The following TM9SF4 variants were observed in gnomAD, a reference collection of about 807,000 sequenced individuals.
TM9SF4 encodes the protein transmembrane 9 superfamily member 4.
A neutral mutation model predicts 90.4 loss-of-function variants in TM9SF4; 26 were observed. That is an observed-to-expected ratio of 0.29 (90% confidence interval 0.21 to 0.40). The LOEUF (loss-of-function observed/expected upper bound fraction) is 0.40, where lower values mean the gene tolerates loss of function less well. Ranked by LOEUF, TM9SF4 falls within the 10% of genes least tolerant of loss-of-function variation. TM9SF4 has a pLI of 1.00. For synonymous variants in TM9SF4, 293 were observed against 315.4 expected (o/e 0.93, Z 0.75); for missense variants, 549 against 834.8 (o/e 0.66, Z 4.22).
chr20:32,149,398 C>T (rs2046809155), intron 9 of TM9SF4, among the ~76,000 whole-genome samples: 1 of 152,194 alleles, frequency 6.6e-6, no homozygotes, highest in African/African-American at 2.4e-5. Context: ...TATTTTCCCA[C>T]AAACGAGGTT....
At chr20:32,163,291 A>G (rs1306719516) in intron 17 of TM9SF4, among the ~76,000 whole-genome samples, 1 of 67,312 alleles carries the variant, frequency 1.5e-5, no homozygotes, top group Non-Finnish European at 3.1e-5. Context: ...ATATATATAT[A>G]TATATGTATG....
intron 15 of TM9SF4, 104 bp downstream of exon 15, chr20:32,158,618 C>T (rs2046966829): frequency 2.7e-6 from 3 of 1,126,020 alleles, no homozygotes; most frequent in Non-Finnish European, 4.0e-6. Context: ...TCAGATGGGC[C>T]ACTTCACCTC....
intron 12 of TM9SF4, among the ~76,000 whole-genome samples, chr20:32,153,115 T>C (rs1325693586): frequency 6.6e-6 from 1 of 152,224 alleles, no homozygotes; most frequent in East Asian, 1.9e-4. Context: ...GATCCCAGTC[T>C]GGCTCTGCAT....
rs202098769 is a variant in TM9SF4, at chr20:32,150,883, T to C, written c.1245+8T>C. Reference sequence around the variant, plus strand: ...AAGAAAGGAGCCTTCTGTGTGAGTGTCCTAAACCTTCTCTTGTTTGGTGGG... The same window carrying C: ...AAGAAAGGAGCCTTCTGTGTGAGTGCCCTAAACCTTCTCTTGTTTGGTGGG... On this transcript the variant is annotated splice_region_variant and intron_variant, in intron 12 of 17. Transcript: ENST00000398022. The C allele has an allele frequency of 1.8e-5, 29 of 1,614,034 alleles. No homozygotes were observed. In the East Asian group the frequency reaches 6.2e-4, roughly 35 times the overall value.
At chr20:32,126,560 T>C (rs913118392) in intron 1 of TM9SF4, among the ~76,000 whole-genome samples, 91 of 152,226 alleles carry the variant, frequency 6.0e-4, no homozygotes, top group African/African-American at 2.1e-3. Flanking sequence ...CCCCAACATA[T>C]TGTTCTTAGC....
chr20:32,161,251 T>C (rs747945364), intron 16 of TM9SF4, 25 bp from the exon 17 acceptor site: 1 of 1,608,358 alleles, frequency 6.2e-7, no homozygotes, highest in Admixed American at 1.7e-5. Flanking sequence ...AGGACAACAC[T>C]GACCTTCCTC....
intron 1 of TM9SF4, among the ~76,000 whole-genome samples, chr20:32,117,859 G>A (rs2046249781): frequency 6.6e-6 from 1 of 152,030 alleles, no homozygotes; most frequent in African/African-American, 2.4e-5. Context: ...ACGTTGAATG[G>A]GCTGGTTCAC....
At chr20:32,155,063 C>A (rs1257763351) in intron 12 of TM9SF4, 40 bp from the exon 13 acceptor site, 4 of 1,570,904 alleles carry the variant, frequency 2.5e-6, no homozygotes, top group Middle Eastern at 1.7e-4. Context: ...TAGGGGAGGT[C>A]CCTGGATGCT....
At chr20:32,143,238 G>A (rs1182063031) in intron 6 of TM9SF4, 133 bp downstream of exon 6, 1 of 1,148,332 alleles carries the variant, frequency 8.7e-7, no homozygotes. Flanking sequence ...GCCAAGGTAG[G>A]ATCATGGTAT....
At chr20:32,113,936 T>C (rs1388861979) in intron 1 of TM9SF4, among the ~76,000 whole-genome samples, 1 of 152,252 alleles carries the variant, frequency 6.6e-6, no homozygotes, top group East Asian at 1.9e-4. Context: ...GTGTCTGGCT[T>C]CTTAGCATAA....
chr20:32,130,897 A>G (rs181711836), intron 1 of TM9SF4, among the ~76,000 whole-genome samples: 63 of 152,334 alleles, frequency 4.1e-4, no homozygotes, highest in South Asian at 1.0e-3. Flanking sequence ...TTACTCGCTT[A>G]TGGTTATGCA....
intron 5 of TM9SF4, among the ~76,000 whole-genome samples, chr20:32,142,509 G>A (rs906083536): frequency 6.6e-6 from 1 of 152,214 alleles, no homozygotes; most frequent in Non-Finnish European, 1.5e-5. Flanking sequence ...ACAGTGGGAG[G>A]CTCTAAGTCT....
intron 10 of TM9SF4, among the ~76,000 whole-genome samples, 200 bp from the exon 11 acceptor site, chr20:32,150,422 G>A (rs975491304): frequency 6.6e-6 from 1 of 152,172 alleles, no homozygotes; most frequent in African/African-American, 2.4e-5. Flanking sequence ...GCACCCCTCC[G>A]AACCCCAACT....
At chr20:32,162,023 G>A (rs980893917) in intron 17 of TM9SF4, among the ~76,000 whole-genome samples, 1 of 152,178 alleles carries the variant, frequency 6.6e-6, no homozygotes, top group African/African-American at 2.4e-5. Flanking sequence ...ATTGTCCCGA[G>A]AGAGAGACGT....
At chr20:32,129,955 C>T (rs975584699) in intron 1 of TM9SF4, among the ~76,000 whole-genome samples, 3 of 152,120 alleles carry the variant, frequency 2.0e-5, no homozygotes, top group African/African-American at 4.8e-5. Context: ...GCATACCTGA[C>T]GTATTTTTCT....
chr20:32,145,169 A>T lies in TM9SF4; in HGVS notation c.731A>T (p.Lys244Met), dbSNP rs376848441. The T allele has an allele frequency of 1.2e-5, 20 of 1,614,040 alleles. No individual in the cohort carries two copies. Among genetic ancestry groups the T allele is most frequent in the Non-Finnish European group, 1.7e-5 (20 of 1,180,036 alleles). Residue 244 changes from lysine (K) to methionine (M), a missense_variant, in exon 7 of 18, where the codon AAG becomes ATG. Physicochemically the swap from Lys to Met is moderately conservative, Grantham distance 95. Coordinates refer to ENST00000398022, the MANE Select transcript of TM9SF4 (RefSeq NM_014742.4). The part of the protein sequence containing the change: ...NSSPQEIDPT[K>M]ENQLYFTYSV... ...TCGCCCCAAGAAATTGACCCCACCA[A>T]GGAGAATCAGCTGTACTTCACCTAC...
chr20:32,135,212 AT>A (rs1209044873), intron 2 of TM9SF4, among the ~76,000 whole-genome samples: 1 of 152,020 alleles, frequency 6.6e-6, no homozygotes, highest in African/African-American at 2.4e-5. Flanking sequence ...CTTAAACCTT[AT>A]TTTTTTATGG....
At chr20:32,148,295 C>T (rs2046792525) in intron 9 of TM9SF4, among the ~76,000 whole-genome samples, 1 of 152,196 alleles carries the variant, frequency 6.6e-6, no homozygotes, top group African/African-American at 2.4e-5. Context: ...CATATTAGCA[C>T]AGACTTTTTT....
chr20:32,141,216 C>CAAAA (rs71185383), intron 3 of TM9SF4, among the ~76,000 whole-genome samples: 7 of 26,002 alleles, frequency 2.7e-4, no homozygotes, highest in African/African-American at 9.5e-4. Context: ...GACTCCATCT[C>CAAAA]AAAAAAAAAA....
Sources: gnomAD v4.1 joint callset for allele counts (sites outside exome capture counted in the v4.1 genomes callset) on GRCh38, gnomAD v4.1.1 for gene constraint, MANE v1.5 for transcripts, NCBI Gene and HGNC (gene_info 2026-07-23, HGNC 2026-07-21) for gene names.